Variants in CPN1 observed in about 807,000 individuals in gnomAD.
CPN1 encodes the protein carboxypeptidase N catalytic chain.
A neutral mutation model predicts 46.4 loss-of-function variants in CPN1; 37 were observed. That is an observed-to-expected ratio of 0.80 (90% CI 0.61 to 1.05). The LOEUF (loss-of-function observed/expected upper bound fraction) is 1.05, where lower values mean the gene tolerates loss of function less well. CPN1 is among the 50% of genes least tolerant of loss of function. The pLI is 0.00. For synonymous variants in CPN1, 224 were observed against 235.4 expected, an observed-to-expected ratio of 0.95 and a Z score of 0.44; for missense variants, 563 against 602.6, an observed-to-expected ratio of 0.93 and a Z score of 0.69.
intron 2 of CPN1, among the ~76,000 whole-genome samples, chr10:100,072,841 G>A (rs1198380845): frequency 6.6e-6 from 1 of 152,206 alleles, no homozygotes; most frequent in African/African-American, 2.4e-5. Flanking sequence ...TGATAGAATA[G>A]AGATATGTTA....
intron 8 of CPN1, among the ~76,000 whole-genome samples, chr10:100,046,721 C>T (rs1368218772): frequency 1.3e-5 from 2 of 150,686 alleles, no homozygotes; most frequent in Admixed American, 6.7e-5. Context: ...TGCAGTGAGC[C>T]GAGAATGTGC....
At chr10:100,058,300 T>C (rs2041396791) in intron 5 of CPN1, among the ~76,000 whole-genome samples, 1 of 152,202 alleles carries the variant, frequency 6.6e-6, no homozygotes, top group South Asian at 2.1e-4. Context: ...TTTTTCTCCT[T>C]AAACTACAAT....
Position 100,057,104 on chromosome 10 carries a change from A to T in CPN1, c.920T>A (p.Leu307Gln). ...YLHTNCFEIT[L>Q]ELSCDKFPPE... is the part of the protein sequence containing the mutation. Reference sequence around the variant, plus strand: ...GGGAAACTTGTCGCAACTCAGTTCCAGCGTGATCTCAAAGCAGTTGGTATG... The same window carrying T: ...GGGAAACTTGTCGCAACTCAGTTCCTGCGTGATCTCAAAGCAGTTGGTATG... Residue 307 changes from leucine to glutamine, a missense_variant, in exon 6 of 9, where the codon CTG becomes CAG. Leu to Gln is a moderately radical substitution (Grantham distance 113, BLOSUM62 -2). Transcript: ENST00000370418. 1.2e-6 allele frequency: 2 copies of T among 1,614,210 alleles called. No individual in the cohort carries two copies. Among genetic ancestry groups the T allele is most frequent in the Non-Finnish European group, 1.7e-6 (2 of 1,180,040 alleles).
chr10:100,075,811 T>A, intron 2 of CPN1, 100 bp downstream of exon 2: 1 of 1,217,062 alleles, frequency 8.2e-7, no homozygotes, highest in Non-Finnish European at 1.2e-6. Context: ...TTTTAACATT[T>A]GTGATATTTA....
intron 6 of CPN1, among the ~76,000 whole-genome samples, chr10:100,055,750 C>T (rs2041381665): frequency 6.6e-6 from 1 of 152,192 alleles, no homozygotes; most frequent in Admixed American, 6.5e-5. Flanking sequence ...TCTCAAACTC[C>T]CAAACTCAGG....
chr10:100,043,041 C>T (rs2041286983), intron 8 of CPN1, among the ~76,000 whole-genome samples: 1 of 147,734 alleles, frequency 6.8e-6, no homozygotes, highest in South Asian at 2.1e-4. Context: ...CTGCAGTGAG[C>T]TGAGATCTTG....
Position 100,065,637 on chromosome 10 carries a change from G to T in CPN1, c.577-267C>A, listed in dbSNP as rs185983083. On this transcript the variant is annotated intron_variant, in intron 3 of 8. Coordinates refer to ENST00000370418, the MANE Select transcript of CPN1 (RefSeq NM_001308.3). Reference sequence around the variant, plus strand: ...AAGAGGTAAAGAGAGAGCATTTAGGGCAAGGAAACTATTCTGTATGATACC... The same window carrying T: ...AAGAGGTAAAGAGAGAGCATTTAGGTCAAGGAAACTATTCTGTATGATACC... Among the ~76,000 whole-genome samples the T allele has an allele frequency of 1.6e-4, 24 of 152,258 alleles. No homozygotes were observed. The East Asian group carries it at 4.2e-3, about 27-fold the overall frequency.
intron 2 of CPN1, among the ~76,000 whole-genome samples, chr10:100,074,036 C>A (rs540008595): frequency 4.6e-5 from 7 of 151,862 alleles, no homozygotes; most frequent in African/African-American, 1.4e-4. Flanking sequence ...GGGCCCCATC[C>A]CCCCCCCACA....
intron 8 of CPN1, among the ~76,000 whole-genome samples, chr10:100,048,082 T>C (rs1053504498): frequency 6.6e-6 from 1 of 152,170 alleles, no homozygotes; most frequent in African/African-American, 2.4e-5. Flanking sequence ...GAGAGTTGAT[T>C]TGGCCCCTGC....
intron 2 of CPN1, 43 bp from the exon 3 acceptor site, chr10:100,069,912 A>G (rs760802503): frequency 6.2e-7 from 1 of 1,611,148 alleles, no homozygotes. Context: ...TTTCAGATTG[A>G]ATACTATATT....
intron 3 of CPN1, among the ~76,000 whole-genome samples, chr10:100,066,205 C>T (rs991592897): frequency 3.3e-5 from 5 of 152,168 alleles, no homozygotes; most frequent in Non-Finnish European, 2.9e-5. Context: ...CCCATCTCCA[C>T]CTCCCAAAGT....
At chr10:100,059,558 G>C (rs1193989868) in intron 5 of CPN1, among the ~76,000 whole-genome samples, 1 of 137,484 alleles carries the variant, frequency 7.3e-6, no homozygotes, top group African/African-American at 2.8e-5. Context: ...ACTACTGTGA[G>C]ATATTACCTT....
At chr10:100,063,518 G>T in intron 5 of CPN1, 96 bp downstream of exon 5, 1 of 949,804 alleles carries the variant, frequency 1.1e-6, no homozygotes, top group Non-Finnish European at 1.7e-6. Flanking sequence ...AAAATTCTAT[G>T]CTATTCCCAT....
chr10:100,065,184 A>T lies in CPN1; in HGVS notation c.759+4T>A. On this transcript the variant is annotated splice_donor_region_variant and intron_variant, in intron 4 of 8. Transcript: ENST00000370418. The stretch of plus-strand genomic sequence containing the variant: ...CTGGCGGGACAAGCTGCTTCTCCAC[A>T]TACCTTCTGGAAGAGCTTGTCGTCA... 1 of 1,611,962 alleles carries T rather than the reference A, an allele frequency of 6.2e-7. No homozygotes were observed. Among genetic ancestry groups the T allele is most frequent in the Non-Finnish European group, 8.5e-7 (1 of 1,178,406 alleles).
intron 7 of CPN1, among the ~76,000 whole-genome samples, 181 bp downstream of exon 7, chr10:100,054,166 T>G (rs2041371797): frequency 6.6e-6 from 1 of 152,208 alleles, no homozygotes; most frequent in Non-Finnish European, 1.5e-5. Context: ...CTTGGTTGTT[T>G]GATTCAGCCT....
chr10:100,045,412 T>C (rs2041302265), intron 8 of CPN1, among the ~76,000 whole-genome samples: 1 of 152,020 alleles, frequency 6.6e-6, no homozygotes, highest in African/African-American at 2.4e-5. Flanking sequence ...AAAGATTTAC[T>C]CTCTGTTTCC....
intron 3 of CPN1, among the ~76,000 whole-genome samples, chr10:100,068,626 C>A (rs1239329444): frequency 2.0e-5 from 3 of 152,112 alleles, no homozygotes; most frequent in Non-Finnish European, 2.9e-5. Context: ...TTCACTGTAA[C>A]CTTGAACTCT....
intron 1 of CPN1, among the ~76,000 whole-genome samples, chr10:100,077,227 CTTTTTTTTTTT>C (rs57632037): frequency 1.8e-5 from 2 of 113,744 alleles, no homozygotes; most frequent in Admixed American, 8.8e-5. Flanking sequence ...CCGGTTTTAC[CTTTTTTTTTTT>C]TTTTTTTTTT....
intron 2 of CPN1, among the ~76,000 whole-genome samples, chr10:100,071,623 T>C (rs2041485931): frequency 6.6e-6 from 1 of 152,204 alleles, no homozygotes; most frequent in Admixed American, 6.5e-5. Flanking sequence ...GTTCCACATG[T>C]GTGGATTCAA....
Sources: gnomAD v4.1 joint callset for allele counts (sites outside exome capture counted in the v4.1 genomes callset) on GRCh38, gnomAD v4.1.1 for gene constraint, MANE v1.5 for transcripts, NCBI Gene and HGNC (gene_info 2026-07-23, HGNC 2026-07-21) for gene names.